SETBP1: variants seen among roughly 807,000 people sequenced by gnomAD.
The protein encoded by SETBP1 is SET binding protein 1, also known as SET-binding protein.
A neutral mutation model predicts 101.0 loss-of-function variants in SETBP1; 9 were observed. The observed-to-expected ratio is 0.09, with a 90% CI of 0.05 to 0.16. The LOEUF (loss-of-function observed/expected upper bound fraction) is 0.16, where lower values mean the gene tolerates loss of function less well. Ranked by LOEUF, SETBP1 falls within the 10% of genes least tolerant of loss-of-function variation. SETBP1 has a pLI of 1.00. For missense variants in SETBP1, 1,858 were observed against 2,033.8 expected (o/e 0.91, Z 1.66); for synonymous variants, 818 against 788.5 (o/e 1.04, Z -0.63).
At chr18:44,705,299 C>T (rs1555670339) in intron 2 of SETBP1, among the ~76,000 whole-genome samples, 1 of 152,160 alleles carries the variant, frequency 6.6e-6, no homozygotes, top group Non-Finnish European at 1.5e-5. Flanking sequence ...TGTTTTGACT[C>T]TGACTGCTTT....
At chr18:44,785,582 G>T (rs574310573) in intron 2 of SETBP1, among the ~76,000 whole-genome samples, 1 of 152,206 alleles carries the variant, frequency 6.6e-6, no homozygotes, top group African/African-American at 2.4e-5. Context: ...AGAGGAGTAT[G>T]TTTATTGATT....
chr18:44,952,409 A>C lies in SETBP1; in HGVS notation c.3069A>C (p.Ala1023=). The change falls in exon 4 of 6, where the codon GCA becomes GCC. Residue 1023 remains alanine, a synonymous_variant. Transcript: ENST00000649279. Reference sequence around the variant, plus strand: ...CAAAGAAGAAGCGTGGTAGGCCTGCAAAAACCAATGACACCATGACAAAGG... The same window carrying C: ...CAAAGAAGAAGCGTGGTAGGCCTGCCAAAACCAATGACACCATGACAAAGG... ...LKSKKKRGRP[A]KTNDTMTKVP... is the part of the protein sequence containing the mutation. 6.2e-7 allele frequency: 1 copy of C among 1,614,188 alleles called. No homozygotes were observed. Among genetic ancestry groups the C allele is most frequent in the Non-Finnish European group, 8.5e-7 (1 of 1,180,048 alleles).
chr18:44,959,794 A>G (rs960207053), intron 4 of SETBP1, among the ~76,000 whole-genome samples: 1 of 152,160 alleles, frequency 6.6e-6, no homozygotes, highest in Non-Finnish European at 1.5e-5. Context: ...GAGAGTGGAG[A>G]TGGTAAGGGT....
At chr18:44,993,872 A>G (rs2072435035) in intron 4 of SETBP1, among the ~76,000 whole-genome samples, 1 of 152,034 alleles carries the variant, frequency 6.6e-6, no homozygotes, top group Admixed American at 6.5e-5. Flanking sequence ...TACAAAACCC[A>G]CTTTTAGATG....
chr18:44,765,765 A>G (rs1854096525), intron 2 of SETBP1, among the ~76,000 whole-genome samples: 1 of 152,206 alleles, frequency 6.6e-6, no homozygotes, highest in South Asian at 2.1e-4. Flanking sequence ...AGAGCAACAC[A>G]CATCCAGAGT....
intron 2 of SETBP1, among the ~76,000 whole-genome samples, chr18:44,727,789 G>C (rs527464138): frequency 3.9e-5 from 6 of 152,172 alleles, no homozygotes; most frequent in Non-Finnish European, 7.3e-5. Context: ...TCTGGGCTGA[G>C]ATGCTGCTTC....
At chr18:44,857,171 A>G (rs1327237614) in intron 2 of SETBP1, among the ~76,000 whole-genome samples, 1 of 152,230 alleles carries the variant, frequency 6.6e-6, no homozygotes, top group African/African-American at 2.4e-5. Context: ...CTCTTCTTCT[A>G]TGAAAGAACA....
rs185010446 is a variant in SETBP1, at chr18:44,753,853, G to A, written c.486+52021G>A. On this transcript the variant is annotated intron_variant, in intron 2 of 5. Coordinates refer to ENST00000649279, the MANE Select transcript of SETBP1 (RefSeq NM_015559.3). ...AAGTCAGGAATCTGGAAGAGACAAG[G>A]TGAAGAAGGATGGCATAACTCTTGG... is the stretch of plus-strand genomic sequence containing the variant. Among the ~76,000 whole-genome samples, 3 of 152,326 alleles carry A rather than the reference G, an allele frequency of 2.0e-5. No individual in the cohort carries two copies. In the East Asian group the frequency reaches 5.8e-4, roughly 29 times the overall value.
chr18:44,841,886 C>G lies in SETBP1; in HGVS notation c.487-27344C>G, dbSNP rs558415804. Among the ~76,000 whole-genome samples the G allele has an allele frequency of 3.6e-4, 55 of 152,316 alleles. 1 individual carries two copies. Among genetic ancestry groups the G allele is most frequent in the Admixed American group, 2.3e-3 (35 of 15,308 alleles). On this transcript the variant is annotated intron_variant, in intron 2 of 5. Transcript: ENST00000649279. ...CCTGTGTGATATACCATAACTGCAG[C>G]AGCACATCATATAATTTTCCCCGAA... is the stretch of plus-strand genomic sequence containing the variant.
rs201699775 is a variant in SETBP1, at chr18:44,951,017, G to A, written c.1677G>A (p.Pro559=). 162 of 1,613,878 alleles carry A rather than the reference G, an allele frequency of 1.0e-4. No homozygotes were observed. The highest frequency in any genetic ancestry group is 3.1e-4 in the South Asian group (28 of 91,070). ...CTGATAAACTGATGCTGGAGCCCCCGTCTGCATATCCCATCACCCCATCCA... is the reference window on the plus strand; with the variant it reads ...CTGATAAACTGATGCTGGAGCCCCCATCTGCATATCCCATCACCCCATCCA... ...ATSDKLMLEP[P]SAYPITPSSP... The change falls in exon 4 of 6, where the codon CCG becomes CCA. Residue 559 remains proline, a synonymous_variant. Transcript: ENST00000649279. This position sits in a 1 kb window ranked among gnomAD's most constrained non-coding sequence, Gnocchi z 7.8.
At chr18:44,900,987 C>A (rs1424454397) in intron 3 of SETBP1, among the ~76,000 whole-genome samples, 1 of 152,158 alleles carries the variant, frequency 6.6e-6, no homozygotes, top group Non-Finnish European at 1.5e-5. Context: ...CTCCTGTCTC[C>A]CCCGACCTTT....
chr18:44,967,745 G>A (rs564429613), intron 4 of SETBP1, among the ~76,000 whole-genome samples: 13 of 152,232 alleles, frequency 8.5e-5, no homozygotes, highest in South Asian at 8.3e-4. Flanking sequence ...CATGTGGCCC[G>A]TCCAGCAACA....
chr18:44,855,397 C>T (rs1391887417), intron 2 of SETBP1, among the ~76,000 whole-genome samples: 3 of 152,116 alleles, frequency 2.0e-5, no homozygotes, highest in Non-Finnish European at 2.9e-5. Context: ...ACATGAACTC[C>T]GTGCAAAAGT....
intron 1 of SETBP1, among the ~76,000 whole-genome samples, chr18:44,695,603 G>A (rs1374953351): frequency 6.6e-6 from 1 of 152,182 alleles, no homozygotes; most frequent in African/African-American, 2.4e-5. Flanking sequence ...AATGCCTTGT[G>A]GTATGGGAAT....
chr18:44,968,846 A>G (rs1488637912), intron 4 of SETBP1, among the ~76,000 whole-genome samples: 3 of 152,252 alleles, frequency 2.0e-5, no homozygotes, highest in East Asian at 1.9e-4. Context: ...AATAGCCTGC[A>G]TGCTAGGAGG....
intron 2 of SETBP1, among the ~76,000 whole-genome samples, chr18:44,743,159 CTCTT>C (rs1468152147): frequency 1.3e-5 from 2 of 152,024 alleles, no homozygotes; most frequent in East Asian, 1.9e-4. Context: ...CTCTCTCTCT[CTCTT>C]TCTCTTTTTG....
chr18:44,966,401 T>A (rs146280096), intron 4 of SETBP1, among the ~76,000 whole-genome samples: 6 of 152,342 alleles, frequency 3.9e-5, no homozygotes, highest in African/African-American at 1.4e-4. Flanking sequence ...CCATCTGGCT[T>A]GCAAATCTCA....
At chr18:44,953,485 T>C (rs2071414602) in intron 4 of SETBP1, 145 bp downstream of exon 4, 5 of 738,532 alleles carry the variant, frequency 6.8e-6, no homozygotes, top group Non-Finnish European at 1.2e-5. Context: ...CACATTTGAG[T>C]TTGCTGCACA....
chr18:45,055,086 A>C (rs543762968), intron 5 of SETBP1, among the ~76,000 whole-genome samples: 12 of 152,338 alleles, frequency 7.9e-5, no homozygotes, highest in Admixed American at 4.6e-4. Flanking sequence ...CTACTATGAC[A>C]CAGGAACTGT....
Sources: allele counts gnomAD v4.1 joint callset (sites outside exome capture counted in the v4.1 genomes callset), GRCh38; gene constraint gnomAD v4.1.1; non-coding constraint Gnocchi (gnomAD v3.1); transcripts MANE v1.5; gene names NCBI Gene and HGNC (gene_info 2026-07-23, HGNC 2026-07-21).